FAM3B: variants seen among roughly 807,000 people sequenced by gnomAD.
FAM3B encodes the protein FAM3 metabolism regulating signaling molecule B.
In FAM3B, 29 loss-of-function variants were observed where a neutral mutation model predicts 28.4. The observed-to-expected ratio is 1.02, with a 90% CI of 0.76 to 1.39. The LOEUF (loss-of-function observed/expected upper bound fraction) is 1.39, where lower values mean the gene tolerates loss of function less well. Ranked by LOEUF, FAM3B falls within the 40% of genes most tolerant of loss-of-function variation. The pLI is 0.00. For synonymous variants in FAM3B, 91 were observed against 103.0 expected, an observed-to-expected ratio of 0.88 and a Z score of 0.71; for missense variants, 266 against 293.9, an observed-to-expected ratio of 0.91 and a Z score of 0.69.
At chr21:41,345,580 C>T (rs1473206797) in intron 4 of FAM3B, 106 bp from the exon 5 acceptor site, 2 of 656,688 alleles carry the variant, frequency 3.0e-6, no homozygotes, top group Non-Finnish European at 5.2e-6. Context: ...GTGGTGTTTG[C>T]TGGAGATAGA....
At chr21:41,329,055 T>C (rs1193272476) in intron 2 of FAM3B, among the ~76,000 whole-genome samples, 2 of 152,228 alleles carry the variant, frequency 1.3e-5, no homozygotes, top group Non-Finnish European at 2.9e-5. Context: ...TACGTATACG[T>C]TGTGGAATGG....
At chr21:41,336,750 CTGATGTT>C (rs1424821876) in intron 2 of FAM3B, among the ~76,000 whole-genome samples, 1 of 152,108 alleles carries the variant, frequency 6.6e-6, no homozygotes, top group Non-Finnish European at 1.5e-5. Context: ...TTTAGGTGCT[CTGATGTT>C]TGGTGCATAC....
chr21:41,322,748 T>C, intron 1 of FAM3B, 175 bp from the exon 2 acceptor site: 1 of 814,572 alleles, frequency 1.2e-6, no homozygotes, highest in Non-Finnish European at 2.1e-6. Flanking sequence ...ACTGTCTACT[T>C]CAAAGGTCCT....
chr21:41,349,654 C>G (rs1180990130), intron 7 of FAM3B, among the ~76,000 whole-genome samples: 1 of 152,182 alleles, frequency 6.6e-6, no homozygotes, highest in Non-Finnish European at 1.5e-5. Context: ...TCGGCATCTT[C>G]TTGTTGCCAT....
chr21:41,356,714 G>C (rs961693149), intron 7 of FAM3B, among the ~76,000 whole-genome samples: 1 of 152,140 alleles, frequency 6.6e-6, no homozygotes, highest in African/African-American at 2.4e-5. Context: ...ATAAATATAT[G>C]GGTAGAAGAA....
intron 7 of FAM3B, among the ~76,000 whole-genome samples, chr21:41,355,752 C>T (rs2089159597): frequency 6.6e-6 from 1 of 152,080 alleles, no homozygotes; most frequent in South Asian, 2.1e-4. Context: ...TAAAATTGAC[C>T]ATGGTGATGG....
intron 3 of FAM3B, among the ~76,000 whole-genome samples, chr21:41,339,392 A>G (rs1380124209): frequency 6.6e-6 from 1 of 152,124 alleles, no homozygotes; most frequent in East Asian, 1.9e-4. Flanking sequence ...CCATTTCTCT[A>G]AAGAGAGAGT....
chr21:41,344,601 T>G, intron 4 of FAM3B, 67 bp downstream of exon 4: 2 of 1,396,386 alleles, frequency 1.4e-6, no homozygotes, highest in Non-Finnish European at 1.0e-6. Context: ...AAAGGTACCT[T>G]GGGTTTTCGA....
rs905030430 is a variant in FAM3B at position 41,332,446 on chromosome 21, G to A, written c.164-5932G>A. ...TATTAATATTTTGTTGAGGAATTTG[G>A]CATCTACGTTCATCCGGGATATTGA... On this transcript the variant is annotated intron_variant, in intron 2 of 7. Coordinates refer to ENST00000357985, the MANE Select transcript of FAM3B (RefSeq NM_058186.4). Among the ~76,000 whole-genome samples the A allele has an allele frequency of 4.6e-5, 7 of 152,202 alleles. No homozygotes were observed. In the South Asian group the frequency reaches 1.5e-3, roughly 32 times the overall value.
chr21:41,304,304 A>C (rs1186253377), exon 1 of FAM3B: 2 of 455,864 alleles, frequency 4.4e-6, no homozygotes, highest in East Asian at 1.4e-4. Flanking sequence ...CAGGAGCCCG[A>C]GACTGGGTGA....
chr21:41,336,233 A>T (rs114516876), intron 2 of FAM3B, among the ~76,000 whole-genome samples: 1,642 of 152,284 alleles, frequency 0.011, 37 homozygotes, highest in African/African-American at 0.037. Context: ...TAGAAGTTTA[A>T]GAAATAGGCC....
intron 1 of FAM3B, among the ~76,000 whole-genome samples, chr21:41,311,251 A>AAAATATAT (rs1555866518): frequency 5.4e-4 from 19 of 35,056 alleles, no homozygotes; most frequent in Admixed American, 9.2e-4. Flanking sequence ...AAAAAAAAAA[A>AAAATATAT]ATATATATAT....
intron 1 of FAM3B, among the ~76,000 whole-genome samples, chr21:41,317,293 G>A (rs2088758743): frequency 6.7e-6 from 1 of 149,418 alleles, no homozygotes; most frequent in African/African-American, 2.5e-5. Flanking sequence ...TCCTTCCGGG[G>A]AAGGGTACGC....
chr21:41,313,009 C>G (rs187471620), upstream of FAM3B, among the ~76,000 whole-genome samples: 16 of 152,302 alleles, frequency 1.1e-4, no homozygotes, highest in Admixed American at 3.3e-4. Flanking sequence ...GATTGTTCAT[C>G]CTAGTCCTTC....
At position 41,357,499 on chromosome 21, in the gene FAM3B, T is replaced by C. The variant is rs1371942636; in HGVS notation, c.*302T>C. On this transcript the variant is annotated 3_prime_UTR_variant, in exon 8 of 8. Transcript: ENST00000357985. ...AGCTTGTCCAGGTGGAGCTATGTTA[T>C]GATCAGATCGAAGTGTGACCCCTGT... 10 of 234,564 alleles carry C rather than the reference T, an allele frequency of 4.3e-5. No individual in the cohort carries two copies. Among genetic ancestry groups the C allele is most frequent in the Non-Finnish European group, 7.7e-5 (9 of 117,494 alleles). The allele number at this position is 234,564 out of a possible 1,614,324, so 14.5% of individuals were successfully genotyped here. A position where few individuals can be genotyped will look rare whatever the true frequency, so the allele number is the denominator to read the frequency against.
chr21:41,336,207 T>G (rs372775874), intron 2 of FAM3B, among the ~76,000 whole-genome samples: 47 of 152,272 alleles, frequency 3.1e-4, no homozygotes, highest in African/African-American at 1.1e-3. Context: ...ACCCTGACCT[T>G]GGATTTCCCA....
At chr21:41,323,233 A>G (rs2088826227) in intron 2 of FAM3B, among the ~76,000 whole-genome samples, 167 bp downstream of exon 2, 1 of 152,198 alleles carries the variant, frequency 6.6e-6, no homozygotes, top group African/African-American at 2.4e-5. Context: ...ACGCCATTCC[A>G]AGGCACGTGC....
chr21:41,338,251 C>A (rs1438865396), intron 2 of FAM3B, 127 bp from the exon 3 acceptor site: 5 of 1,045,400 alleles, frequency 4.8e-6, no homozygotes, highest in East Asian at 2.4e-5. Context: ...AAACCCTTCC[C>A]CCTCAGGTTT....
chr21:41,318,556 C>G (rs2088771557), intron 1 of FAM3B, among the ~76,000 whole-genome samples: 1 of 152,198 alleles, frequency 6.6e-6, no homozygotes, highest in South Asian at 2.1e-4. Context: ...ACAGTGGACA[C>G]TGAGGCCAGC....
Sources: allele counts gnomAD v4.1 joint callset (sites outside exome capture counted in the v4.1 genomes callset), GRCh38; gene constraint gnomAD v4.1.1; transcripts MANE v1.5; gene names NCBI Gene and HGNC (gene_info 2026-07-23, HGNC 2026-07-21).